The following BRD10 variants were observed in gnomAD, a reference collection of about 807,000 sequenced individuals.
BRD10 encodes the protein bromodomain containing 10, also known as uncharacterized bromodomain-containing protein 10.
At chr9:5,892,556 G>C in the BRD10 span, 1 of 1,612,242 alleles carries the variant, frequency 6.2e-7, no homozygotes, top group Non-Finnish European at 8.5e-7. Flanking sequence ...TGAAGAGTAA[G>C]TTCAAAACCA....
the BRD10 span, chr9:5,909,912 T>G: frequency 6.6e-6 from 1 of 152,260 alleles, no homozygotes; most frequent in Non-Finnish European, 1.5e-5. Flanking sequence ...TATCTAATAT[T>G]TCTCTTTCAG....
the BRD10 span, among the ~76,000 whole-genome samples, chr9:5,896,584 T>A: frequency 6.6e-6 from 1 of 152,186 alleles, no homozygotes; most frequent in Non-Finnish European, 1.5e-5. Context: ...CTCTTGTAAG[T>A]CACTCAGCTC....
At chr9:5,925,570 T>A in the BRD10 span, among the ~76,000 whole-genome samples, 1 of 152,106 alleles carries the variant, frequency 6.6e-6, no homozygotes, top group African/African-American at 2.4e-5. Flanking sequence ...AAAAAAAGTT[T>A]AAGCCAGAAA....
At chr9:5,952,022 T>C in the BRD10 span, among the ~76,000 whole-genome samples, 1 of 149,276 alleles carries the variant, frequency 6.7e-6, no homozygotes, top group Admixed American at 6.8e-5. Context: ...TTTATTTATT[T>C]ATTTATTTAT....
the BRD10 span, among the ~76,000 whole-genome samples, chr9:5,970,074 A>G: frequency 6.6e-6 from 1 of 152,216 alleles, no homozygotes; most frequent in African/African-American, 2.4e-5. Context: ...GACTTCACAT[A>G]AAAGCTGTAA....
chr9:5,908,293 A>T, the BRD10 span, among the ~76,000 whole-genome samples: 3 of 152,240 alleles, frequency 2.0e-5, no homozygotes, highest in Non-Finnish European at 4.4e-5. Context: ...CACAATTACA[A>T]CGATCTCTGT....
At chr9:5,972,235 G>T in the BRD10 span, among the ~76,000 whole-genome samples, 1 of 152,116 alleles carries the variant, frequency 6.6e-6, no homozygotes, top group Non-Finnish European at 1.5e-5. Context: ...GATAATAGAT[G>T]TAAGAATTAT....
chr9:5,920,781 C>A, the BRD10 span: 1 of 1,613,904 alleles, frequency 6.2e-7, no homozygotes, highest in Non-Finnish European at 8.5e-7. Flanking sequence ...ATTTGCAAAG[C>A]TGATGTTAAA....
chr9:5,925,106 C>T, the BRD10 span, among the ~76,000 whole-genome samples: 1 of 152,014 alleles, frequency 6.6e-6, no homozygotes, highest in Non-Finnish European at 1.5e-5. Flanking sequence ...TGCCTATAAT[C>T]CCAGCACTTT....
the BRD10 span, among the ~76,000 whole-genome samples, chr9:5,955,547 C>A: frequency 6.6e-6 from 1 of 152,074 alleles, no homozygotes; most frequent in Non-Finnish European, 1.5e-5. Flanking sequence ...TTTTGTATTA[C>A]TTTTTAATCA....
the BRD10 span, among the ~76,000 whole-genome samples, chr9:5,880,500 T>G: frequency 6.6e-6 from 1 of 151,310 alleles, no homozygotes; most frequent in South Asian, 2.1e-4. Context: ...GGCAACAGAG[T>G]GAGACTCTGT....
the BRD10 span, among the ~76,000 whole-genome samples, chr9:5,941,142 T>A: frequency 2.0e-5 from 3 of 152,220 alleles, no homozygotes; most frequent in South Asian, 4.1e-4. Context: ...CTTAGAAATA[T>A]AAGTTTGGCG....
At chr9:5,969,792 T>A in the BRD10 span, among the ~76,000 whole-genome samples, 1 of 152,152 alleles carries the variant, frequency 6.6e-6, no homozygotes, top group Non-Finnish European at 1.5e-5. Context: ...GTGATCCGCC[T>A]GCCTCGGCCT....
the BRD10 span, among the ~76,000 whole-genome samples, chr9:5,983,309 T>C: frequency 6.6e-6 from 1 of 152,174 alleles, no homozygotes; most frequent in Non-Finnish European, 1.5e-5. Context: ...CCTGGACTTT[T>C]CAAACTGTTC....
chr9:5,936,772 C>A, the BRD10 span, among the ~76,000 whole-genome samples: 5 of 152,052 alleles, frequency 3.3e-5, no homozygotes, highest in African/African-American at 4.8e-5. Flanking sequence ...ATGTAAAGCT[C>A]ATTTTTTTAC....
chr9:5,891,577 A>T, the BRD10 span, among the ~76,000 whole-genome samples: 1 of 152,208 alleles, frequency 6.6e-6, no homozygotes, highest in Non-Finnish European at 1.5e-5. Context: ...GAAATTCATG[A>T]GGACAGTAAG....
the BRD10 span, among the ~76,000 whole-genome samples, chr9:5,928,061 C>G: frequency 1.3e-5 from 2 of 152,152 alleles, no homozygotes; most frequent in Non-Finnish European, 2.9e-5. Flanking sequence ...CTCAAATTTG[C>G]TACTCCTTGA....
chr9:5,927,227 C>T, the BRD10 span, among the ~76,000 whole-genome samples: 1 of 152,296 alleles, frequency 6.6e-6, no homozygotes, highest in Non-Finnish European at 1.5e-5. Context: ...TTCACATGCT[C>T]ACACCTCATC....
the BRD10 span, among the ~76,000 whole-genome samples, chr9:5,993,944 CA>C: frequency 1.3e-5 from 2 of 152,006 alleles, no homozygotes; most frequent in Admixed American, 1.3e-4. Context: ...GGAATTCTGA[CA>C]AAAAAATTTG....
Sources: allele counts gnomAD v4.1 joint callset (sites outside exome capture counted in the v4.1 genomes callset), GRCh38; gene constraint gnomAD v4.1.1; transcripts MANE v1.5; gene names NCBI Gene and HGNC (gene_info 2026-07-23, HGNC 2026-07-21).